ARHGAP18: variants seen among roughly 807,000 people sequenced by gnomAD.
ARHGAP18 encodes Rho GTPase activating protein 18.
ARHGAP18 carries 67 observed loss-of-function variants against 86.2 expected under a neutral mutation model. The observed-to-expected ratio is 0.78, with a 90% CI of 0.64 to 0.95. The LOEUF is 0.95. ARHGAP18 is among the 40% of genes least tolerant of loss of function. ARHGAP18 has a pLI of 0.00. For synonymous variants in ARHGAP18, 283 were observed against 280.4 expected, an observed-to-expected ratio of 1.01 and a Z score of -0.09; for missense variants, 691 against 780.4, an observed-to-expected ratio of 0.89 and a Z score of 1.37.
intron 10 of ARHGAP18, 121 bp downstream of exon 10, chr6:129,605,756 T>A: frequency 1.1e-6 from 1 of 883,400 alleles, no homozygotes. Context: ...AAAAGTAGGC[T>A]TTTTCTTTAT....
At chr6:129,585,205 T>C (rs1584021638) in intron 12 of ARHGAP18, among the ~76,000 whole-genome samples, 2 of 151,786 alleles carry the variant, frequency 1.3e-5, no homozygotes, top group African/African-American at 2.4e-5. Flanking sequence ...GGTAGGAGAA[T>C]TGCTTGAACC....
chr6:129,625,516 ATATAT>A lies in ARHGAP18; in HGVS notation c.786+3832_786+3836del, dbSNP rs1454909173. ...ATATAATATATATTTTATATATCATATATATTATAACTATACATTATATATTATAT... is the reference window on the plus strand; with the variant it reads ...ATATAATATATATTTTATATATCATATATAACTATACATTATATATTATAT... On this transcript the variant is annotated intron_variant, in intron 5 of 14. Coordinates refer to ENST00000368149, the MANE Select transcript of ARHGAP18 (RefSeq NM_033515.3). Among the ~76,000 whole-genome samples, 15 of 64,240 alleles carry A rather than the reference ATATAT, an allele frequency of 2.3e-4. 3 individuals are homozygous for A. Among genetic ancestry groups the A allele is most frequent in the South Asian group, 1.1e-3 (2 of 1,882 alleles). The allele number at this position is 64,240 out of a possible 152,430, so 42.1% of individuals were successfully genotyped here. A position where few individuals can be genotyped will look rare whatever the true frequency, so the allele number is the denominator to read the frequency against.
At chr6:129,623,001 C>CA (rs1562694846) in intron 5 of ARHGAP18, among the ~76,000 whole-genome samples, 5 of 15,294 alleles carry the variant, frequency 3.3e-4, no homozygotes, top group Admixed American at 6.8e-4. Flanking sequence ...AACTCCATCT[C>CA]AAAACAAAAA....
At chr6:129,700,217 A>T (rs140324958) in intron 1 of ARHGAP18, among the ~76,000 whole-genome samples, 1 of 152,360 alleles carries the variant, frequency 6.6e-6, no homozygotes, top group African/African-American at 2.4e-5. Flanking sequence ...AGCTATAATG[A>T]TACATTGGTA....
chr6:129,640,552 G>A (rs1773434194), intron 2 of ARHGAP18, among the ~76,000 whole-genome samples: 1 of 152,096 alleles, frequency 6.6e-6, no homozygotes, highest in South Asian at 2.1e-4. Context: ...AGAAGTTAAA[G>A]AATAAGTTAA....
At chr6:129,661,891 T>A (rs1163614959) in intron 1 of ARHGAP18, 2 of 985,124 alleles carry the variant, frequency 2.0e-6, no homozygotes, top group African/African-American at 3.5e-5. Context: ...CAACAGCTGT[T>A]TAGAGCTGGT....
Position 129,584,039 on chromosome 6 carries a change from G to C in ARHGAP18, c.1787C>G (p.Thr596Ser). The change falls in exon 13 of 15, where the codon ACT (threonine) becomes AGT (serine). Residue 596 changes from threonine to serine, a missense_variant. Thr to Ser is a moderately conservative substitution (Grantham distance 58, BLOSUM62 1). Transcript: ENST00000368149. The stretch of plus-strand genomic sequence containing the variant: ...TACATCACTGGCTTTTAGTTCTTCA[G>C]TTAGCTGTATTGCCATGGAAACTTT... The part of the protein sequence containing the change: ...LSKVSMAIQL[T>S]EELKASDVLA... 6.2e-7 allele frequency: 1 copy of C among 1,613,832 alleles called. No individual in the cohort carries two copies. The highest frequency in any genetic ancestry group is 8.5e-7 in the Non-Finnish European group (1 of 1,179,854).
At chr6:129,661,091 T>C (rs1773941523) in intron 1 of ARHGAP18, among the ~76,000 whole-genome samples, 1 of 151,422 alleles carries the variant, frequency 6.6e-6, no homozygotes, top group African/African-American at 2.4e-5. Context: ...AACTTCTTTT[T>C]ATGATTAAGA....
chr6:129,627,625 TAG>T (rs1389782331), intron 5 of ARHGAP18, among the ~76,000 whole-genome samples: 1 of 142,696 alleles, frequency 7.0e-6, no homozygotes, highest in Admixed American at 7.1e-5. Context: ...GAAGGAAAAA[TAG>T]AGAGAGGAAG....
At chr6:129,667,442 C>T (rs1774060840) in intron 1 of ARHGAP18, among the ~76,000 whole-genome samples, 1 of 148,530 alleles carries the variant, frequency 6.7e-6, no homozygotes, top group Admixed American at 6.7e-5. Flanking sequence ...AGGCATCAAC[C>T]AGGTCTATAT....
chr6:129,640,278 C>T (rs1015245051), intron 2 of ARHGAP18, among the ~76,000 whole-genome samples: 11 of 151,984 alleles, frequency 7.2e-5, no homozygotes, highest in Non-Finnish European at 1.6e-4. Flanking sequence ...GAAAACATTC[C>T]CAATCTTCTT....
At chr6:129,640,389 T>C (rs1295660111) in intron 2 of ARHGAP18, among the ~76,000 whole-genome samples, 1 of 152,194 alleles carries the variant, frequency 6.6e-6, no homozygotes, top group Admixed American at 6.5e-5. Context: ...AAACGCTGCT[T>C]TCTCAAACAT....
intron 2 of ARHGAP18, among the ~76,000 whole-genome samples, chr6:129,640,056 A>AC (rs1339447770): frequency 4.4e-4 from 67 of 151,304 alleles, no homozygotes; most frequent in African/African-American, 1.6e-3. Context: ...AAAAAAAAAA[A>AC]AAAAAAAACA....
At chr6:129,707,833 T>G (rs557521909) in intron 1 of ARHGAP18, among the ~76,000 whole-genome samples, 1 of 151,992 alleles carries the variant, frequency 6.6e-6, no homozygotes, top group South Asian at 2.1e-4. Context: ...TTTTGTTTTG[T>G]TTTTACTTTT....
intron 3 of ARHGAP18, among the ~76,000 whole-genome samples, chr6:129,634,850 A>G (rs917953785): frequency 6.6e-5 from 10 of 152,064 alleles, no homozygotes; most frequent in African/African-American, 9.7e-5. Context: ...TAAAACTATA[A>G]AAGTACATGT....
At chr6:129,684,635 C>A (rs143737753) in intron 1 of ARHGAP18, among the ~76,000 whole-genome samples, 4 of 152,266 alleles carry the variant, frequency 2.6e-5, no homozygotes, top group African/African-American at 9.6e-5. Context: ...ATGGAGCCTG[C>A]GGCACACAGA....
rs936149104 is a variant in ARHGAP18, at chr6:129,629,345, C to T, written c.786+8G>A. The T allele has an allele frequency of 6.2e-7, 1 of 1,611,958 alleles. No homozygotes were observed. The highest frequency in any genetic ancestry group is 8.5e-7 in the Non-Finnish European group (1 of 1,179,174). On this transcript the variant is annotated splice_region_variant and intron_variant, in intron 5 of 14. Transcript: ENST00000368149. ...TATATGTATATTTATAAAGAGTGTA[C>T]TACGTACAGGTAATGTGGCATCATC...
intron 12 of ARHGAP18, among the ~76,000 whole-genome samples, chr6:129,595,269 A>T (rs1788593625): frequency 6.6e-6 from 1 of 152,198 alleles, no homozygotes; most frequent in African/African-American, 2.4e-5. Flanking sequence ...ACATAGTAAC[A>T]TATTACGAAT....
intron 6 of ARHGAP18, among the ~76,000 whole-genome samples, chr6:129,617,464 G>A (rs990668354): frequency 6.6e-6 from 1 of 152,122 alleles, no homozygotes; most frequent in South Asian, 2.1e-4. Flanking sequence ...TTGGGAATTC[G>A]GAAAAGATGC....
Sources: allele counts gnomAD v4.1 joint callset (sites outside exome capture counted in the v4.1 genomes callset), GRCh38; gene constraint gnomAD v4.1.1; transcripts MANE v1.5; gene names NCBI Gene and HGNC (gene_info 2026-07-23, HGNC 2026-07-21).